The following KCNH4 variants were observed in gnomAD, a reference collection of about 807,000 sequenced individuals.
KCNH4 encodes potassium voltage-gated channel subfamily H member 4, also known as voltage-gated delayed rectifier potassium channel KCNH4.
KCNH4 carries 33 observed loss-of-function variants against 90.7 expected under a neutral mutation model. The observed-to-expected ratio is 0.36, with a 90% CI of 0.28 to 0.49. KCNH4 has a LOEUF of 0.49. Ranked by LOEUF, KCNH4 falls within the 20% of genes least tolerant of loss-of-function variation. The pLI is 0.98. For missense variants in KCNH4, 1,044 were observed against 1,387.1 expected (o/e 0.75, Z 3.93); for synonymous variants, 551 against 581.7 (o/e 0.95, Z 0.76).
At chr17:42,171,719 T>C (rs1434783148) in intron 7 of KCNH4, 69 bp downstream of exon 7, 16 of 1,380,096 alleles carry the variant, frequency 1.2e-5, no homozygotes, top group Non-Finnish European at 1.6e-5. Flanking sequence ...TGGGTACTGG[T>C]GGAGGCATCA....
At position 42,180,220 on chromosome 17, in the gene KCNH4, G is replaced by A. The variant is rs559776672; in HGVS notation, c.76+650C>T. 1.1e-4 allele frequency among the ~76,000 whole-genome samples: 16 copies of A among 152,332 alleles called. 1 individual carries two copies. In the South Asian group the frequency reaches 3.1e-3, roughly 30 times the overall value. ...GCGGGGTTGGGGGAGGTGAGGGCGGGGAATCTCTGGGTTCCAGAGTGGGAA... is the reference window on the plus strand; with the variant it reads ...GCGGGGTTGGGGGAGGTGAGGGCGGAGAATCTCTGGGTTCCAGAGTGGGAA... On this transcript the variant is annotated intron_variant, in intron 1 of 16. Transcript: ENST00000264661. This position sits in a 1 kb window ranked among gnomAD's most constrained non-coding sequence, Gnocchi z 4.7.
chr17:42,160,220 G>A lies in KCNH4; in HGVS notation c.2874C>T (p.Cys958=), dbSNP rs747951824. 6 of 1,613,942 alleles carry A rather than the reference G, an allele frequency of 3.7e-6. No individual in the cohort carries two copies. In the Admixed American group the frequency reaches 8.3e-5, roughly 22 times the overall value. ...LQDTTLAEVH[C]PASVGTMETG... ...TCTCCATGGTCCCCACACTGGCTGG[G>A]CAGTGAACTTCAGCAAGCGTAGTAT... Residue 958 remains cysteine (C), a synonymous_variant, in exon 16 of 17, where the codon TGC becomes TGT. Coordinates refer to ENST00000264661, the MANE Select transcript of KCNH4 (RefSeq NM_012285.3).
At position 42,180,171 on chromosome 17, in the gene KCNH4, C is replaced by G. The variant is rs532765579; in HGVS notation, c.76+699G>C. On this transcript the variant is annotated intron_variant, in intron 1 of 16. Transcript: ENST00000264661. The surrounding 1 kb of genome is among the most constrained non-coding windows in gnomAD (Gnocchi z 4.7). Reference sequence around the variant, plus strand: ...GTACCGCTCCCCCACCATCCAGATCCCGGCCAGGGTTCCCGAGGGAATGGC... The same window carrying G: ...GTACCGCTCCCCCACCATCCAGATCGCGGCCAGGGTTCCCGAGGGAATGGC... Among the ~76,000 whole-genome samples, 1 of 152,310 alleles carries G rather than the reference C, an allele frequency of 6.6e-6. No homozygotes were observed. Among genetic ancestry groups the G allele is most frequent in the South Asian group, 2.1e-4 (1 of 4,830 alleles).
At chr17:42,179,718 C>T (rs1343262932) in intron 1 of KCNH4, among the ~76,000 whole-genome samples, 1 of 152,218 alleles carries the variant, frequency 6.6e-6, no homozygotes, top group African/African-American at 2.4e-5. Flanking sequence ...GTCTTCCTTC[C>T]CTGCCTTCCA....
In KCNH4 at chr17:42,163,155, A is replaced by T; in HGVS notation, c.2584+73T>A. ...GGCACCTGGCACATGGTAGGCCCCT[A>T]CTACATATGGGATGGATGGACAGGT... On this transcript the variant is annotated intron_variant, in intron 14 of 16. Transcript: ENST00000264661. This position sits in a 1 kb window ranked among gnomAD's most constrained non-coding sequence, Gnocchi z 5.4. 1.9e-6 allele frequency: 2 copies of T among 1,040,570 alleles called. No homozygotes were observed. Among genetic ancestry groups the T allele is most frequent in the Non-Finnish European group, 3.0e-6 (2 of 661,430 alleles). 64.5% of individuals were successfully genotyped at this position (1,040,570 alleles called of 1,614,324 possible).
At chr17:42,158,180 G>A (rs1269748518) in intron 16 of KCNH4, among the ~76,000 whole-genome samples, 3 of 151,178 alleles carry the variant, frequency 2.0e-5, no homozygotes, top group South Asian at 4.2e-4. Flanking sequence ...CACCTGCCTC[G>A]GCCTCCCAAA....
Position 42,169,651 on chromosome 17 carries a change from C to T in KCNH4, c.1416G>A (p.Gly472=), listed in dbSNP as rs1262089308. 2 of 1,613,914 alleles carry T rather than the reference C, an allele frequency of 1.2e-6. No individual in the cohort carries two copies. The highest frequency in any genetic ancestry group is 2.2e-5 in the East Asian group (1 of 44,882). The change falls in exon 9 of 17, where the codon GGG becomes GGA. Residue 472 remains glycine, a synonymous_variant. Transcript: ENST00000264661. ...TGCGCTGGATGATGGCTGTCACGTT[C>T]CCGAACACCACAGCGTGCATCAGGG... ...IGALMHAVVF[G]NVTAIIQRMY...
At position 42,176,295 on chromosome 17, in the gene KCNH4, G is replaced by T; in HGVS notation, c.588C>A (p.Asn196Lys). The T allele has an allele frequency of 6.3e-7, 1 of 1,588,764 alleles. No individual in the cohort carries two copies. Among genetic ancestry groups the T allele is most frequent in the Non-Finnish European group, 8.6e-7 (1 of 1,165,516 alleles). Residue 196 changes from asparagine to lysine, a missense_variant and splice_region_variant, in exon 5 of 17, where the codon AAC becomes AAA. By Grantham distance (94) the Asn-to-Lys change is moderately conservative. Around this residue, in one of 4 missense-constraint regions of KCNH4, gnomAD observed 283 missense variants for 378.6 expected, o/e 0.75. Transcript: ENST00000264661. ...RGQGGMKANN[N>K]VFEPKPSVPE... The stretch of plus-strand genomic sequence containing the variant: ...GCACTGATGGCTTTGGCTCAAACAC[G>T]TTCTAAGGGGAGAGGGGTGGCGGTT...
chr17:42,168,092 C>G (rs1321463300), intron 9 of KCNH4, among the ~76,000 whole-genome samples: 1 of 152,154 alleles, frequency 6.6e-6, no homozygotes, highest in South Asian at 2.1e-4. Flanking sequence ...TGACTCCTCC[C>G]CACCCAGGCA....
chr17:42,178,273 C>A (rs760859612), intron 3 of KCNH4, 46 bp from the exon 4 acceptor site: 2 of 1,614,028 alleles, frequency 1.2e-6, no homozygotes, highest in South Asian at 1.1e-5. Context: ...ACATCCCTTG[C>A]GGCTGGTTAG....
intron 16 of KCNH4, among the ~76,000 whole-genome samples, chr17:42,159,273 T>C (rs1369163846): frequency 1.3e-5 from 2 of 152,074 alleles, no homozygotes; most frequent in Admixed American, 1.3e-4. Flanking sequence ...GTGATCCGCC[T>C]GCCTTGGCCT....
At chr17:42,178,731 A>G in intron 2 of KCNH4, 62 bp downstream of exon 2, 1 of 1,428,216 alleles carries the variant, frequency 7.0e-7, no homozygotes, top group East Asian at 2.3e-5. Context: ...TACTGTGCCC[A>G]GTGCCCTCTG....
intron 16 of KCNH4, 45 bp from the exon 17 acceptor site, chr17:42,157,163 G>A (rs2079715587): frequency 6.6e-6 from 1 of 152,268 alleles, no homozygotes; most frequent in Non-Finnish European, 1.5e-5. Flanking sequence ...CCACGCCTAG[G>A]AGTAGAAGCA....
At chr17:42,162,081 A>G (rs1464730264) in intron 15 of KCNH4, among the ~76,000 whole-genome samples, 167 bp downstream of exon 15, 1 of 151,032 alleles carries the variant, frequency 6.6e-6, no homozygotes, top group Non-Finnish European at 1.5e-5. Flanking sequence ...CTCAGCCTCC[A>G]GAGTAGCTGG....
chr17:42,163,898 C>T lies in KCNH4; in HGVS notation c.2185G>A (p.Glu729Lys), dbSNP rs776977303. ...DKTLPSITEA[E>K]SGAEPGGGPR... is the part of the protein sequence containing the mutation. ...CCACCCCCAGGCTCCGCGCCACTCT[C>T]GGCCTCTGTGATGGATGGCAGCGTC... The change falls in exon 13 of 17, where the codon GAG becomes AAG. Residue 729 changes from glutamate to lysine, a missense_variant. By Grantham distance (56) the Glu-to-Lys change is moderately conservative. Transcript: ENST00000264661. The surrounding 1 kb of genome is among the most constrained non-coding windows in gnomAD (Gnocchi z 5.4). The T allele has an allele frequency of 1.4e-5, 21 of 1,545,450 alleles. No individual in the cohort carries two copies. Among genetic ancestry groups the T allele is most frequent in the African/African-American group, 5.5e-5 (4 of 73,062 alleles).
At position 42,163,734 on chromosome 17, in the gene KCNH4, G is replaced by T; in HGVS notation, c.2349C>A (p.Ser783=). 11 of 1,549,538 alleles carry T rather than the reference G, an allele frequency of 7.1e-6. No homozygotes were observed. Among genetic ancestry groups the T allele is most frequent in the Non-Finnish European group, 8.7e-6 (10 of 1,151,514 alleles). The change falls in exon 13 of 17, where the codon TCC becomes TCA. Residue 783 remains serine (S), a synonymous_variant. Transcript: ENST00000264661. The surrounding 1 kb of genome is among the most constrained non-coding windows in gnomAD (Gnocchi z 5.4). ...TGTGGCCCTGGCCAGCCAGGGCAGG[G>T]GACAGGGATGGGGATAAGGAAGGAG... ...VSSPSLSPSL[S]PALAGQGHSA...
chr17:42,163,863 G>T lies in KCNH4; in HGVS notation c.2220C>A (p.Pro740=), dbSNP rs1220573641. The change falls in exon 13 of 17, where the codon CCC becomes CCA. Residue 740 remains proline, a synonymous_variant. Transcript: ENST00000264661. This position sits in a 1 kb window ranked among gnomAD's most constrained non-coding sequence, Gnocchi z 5.4. ...GGTTGGGCAGCAGGAGGGGCCGTCG[G>T]GGCCTGGGACCACCCCCAGGCTCCG... ...SGAEPGGGPR[P]RRPLLLPNLS... 2.6e-6 allele frequency: 4 copies of T among 1,516,020 alleles called. No individual in the cohort carries two copies. The highest frequency in any genetic ancestry group is 3.5e-6 in the Non-Finnish European group (4 of 1,130,796). 93.9% of individuals were successfully genotyped at this position (1,516,020 alleles called of 1,614,324 possible). A position where few individuals can be genotyped will look rare whatever the true frequency, so the allele number is the denominator to read the frequency against.
Position 42,159,981 on chromosome 17 carries a change from C to A in KCNH4, c.*59G>T. The A allele has an allele frequency of 1.5e-6, 2 of 1,366,852 alleles. No individual in the cohort carries two copies. The highest frequency in any genetic ancestry group is 1.9e-6 in the Non-Finnish European group (2 of 1,033,518). The allele number at this position is 1,366,852 out of a possible 1,614,324, so 84.7% of individuals were successfully genotyped here. ...AGGCAGGAAGCCAAGGGGCCCAGGT[C>A]CTCCCTGAGTGGTGAGCGGCAGCGC... is the stretch of plus-strand genomic sequence containing the variant. On this transcript the variant is annotated 3_prime_UTR_variant, in exon 16 of 17. Transcript: ENST00000264661.
At position 42,160,059 on chromosome 17, in the gene KCNH4, C is replaced by G; in HGVS notation, c.3035G>C (p.Arg1012Thr). ...PSLLRHSFQS[R>T]SDTFH ...CCAGGGTCAGTGGAACGTGTCTGAC[C>G]TGGACTGGAAACTGTGCCTCAAGAG... The change falls in exon 16 of 17, where the codon AGG becomes ACG. Residue 1012 changes from arginine to threonine, a missense_variant. Transcript: ENST00000264661. The G allele has an allele frequency of 6.5e-7, 1 of 1,539,740 alleles. No individual in the cohort carries two copies. The highest frequency in any genetic ancestry group is 8.8e-7 in the Non-Finnish European group (1 of 1,140,982).
Sources: gnomAD v4.1 joint callset for allele counts (sites outside exome capture counted in the v4.1 genomes callset) on GRCh38, gnomAD v4.1.1 for gene constraint, gnomAD v4.1.1 regional missense constraint, Gnocchi (gnomAD v3.1) non-coding constraint, MANE v1.5 for transcripts, NCBI Gene and HGNC (gene_info 2026-07-23, HGNC 2026-07-21) for gene names.